SLC17A5: variants seen among roughly 807,000 people sequenced by gnomAD.
The protein encoded by SLC17A5 is solute carrier family 17 member 5, also known as sialin.
A neutral mutation model predicts 59.4 loss-of-function variants in SLC17A5; 47 were observed. The observed-to-expected ratio is 0.79, with a 90% CI of 0.63 to 1.01. The LOEUF (loss-of-function observed/expected upper bound fraction) is 1.01. Among genes scored for constraint, SLC17A5 ranks in the 50% least tolerant of loss-of-function variants. SLC17A5 has a pLI of 0.00. For synonymous variants in SLC17A5, 202 were observed against 210.7 expected (o/e 0.96, Z 0.36); for missense variants, 522 against 595.5 (o/e 0.88, Z 1.28).
At chr6:73,651,427 C>G (rs1168865376) in intron 1 of SLC17A5, among the ~76,000 whole-genome samples, 1 of 122,866 alleles carries the variant, frequency 8.1e-6, no homozygotes, top group Non-Finnish European at 1.6e-5. Flanking sequence ...CACCACTGCA[C>G]TCCAGCCTGG....
intron 6 of SLC17A5, among the ~76,000 whole-genome samples, chr6:73,630,111 G>A (rs1174046322): frequency 6.6e-6 from 1 of 151,744 alleles, no homozygotes; most frequent in East Asian, 2.0e-4. Flanking sequence ...TTCTGCCTCA[G>A]CCTCTCGAGT....
chr6:73,603,631 G>A (rs1179492369), intron 9 of SLC17A5, among the ~76,000 whole-genome samples: 2 of 151,326 alleles, frequency 1.3e-5, no homozygotes, highest in Non-Finnish European at 2.9e-5. Context: ...CGTTGGTTAG[G>A]CTGGTCTCAA....
intron 6 of SLC17A5, among the ~76,000 whole-genome samples, chr6:73,634,495 G>A (rs1768909170): frequency 6.6e-6 from 1 of 152,192 alleles, no homozygotes; most frequent in Non-Finnish European, 1.5e-5. Flanking sequence ...TGCCTCCTGG[G>A]TTCAAGGAAT....
chr6:73,614,362 C>G (rs1198627509), intron 8 of SLC17A5, among the ~76,000 whole-genome samples: 1 of 152,146 alleles, frequency 6.6e-6, no homozygotes, highest in Non-Finnish European at 1.5e-5. Flanking sequence ...CACTTGAGGC[C>G]AGGAATTCAA....
At chr6:73,605,404 T>G (rs886916369) in intron 9 of SLC17A5, among the ~76,000 whole-genome samples, 1 of 152,102 alleles carries the variant, frequency 6.6e-6, no homozygotes, top group African/African-American at 2.4e-5. Flanking sequence ...TAGTAGCGTA[T>G]TACACTGAAT....
intron 2 of SLC17A5, among the ~76,000 whole-genome samples, chr6:73,642,496 C>T (rs1001823149): frequency 6.6e-5 from 10 of 152,180 alleles, no homozygotes; most frequent in Admixed American, 1.3e-4. Context: ...TTAGTGCTGG[C>T]TATTAACATG....
At chr6:73,614,337 C>A (rs1322816579) in intron 8 of SLC17A5, among the ~76,000 whole-genome samples, 4 of 152,136 alleles carry the variant, frequency 2.6e-5, no homozygotes, top group Non-Finnish European at 5.9e-5. Flanking sequence ...TTTTGGGATG[C>A]TGAGGCAGGA....
chr6:73,611,706 G>A (rs1767646362), intron 8 of SLC17A5, among the ~76,000 whole-genome samples: 1 of 152,152 alleles, frequency 6.6e-6, no homozygotes. Context: ...TAATGAGTGG[G>A]CTGTCAGTTT....
At position 73,610,354 on chromosome 6, in the gene SLC17A5, A is replaced by G. The variant is rs200166924; in HGVS notation, c.1259+46T>C. On this transcript the variant is annotated intron_variant, in intron 9 of 10. Coordinates refer to ENST00000355773, the MANE Select transcript of SLC17A5 (RefSeq NM_012434.5). ...TGGCCTTTTATCAGGATTTTTAAAA[A>G]TATAATTTAAAGTCAATCACAGCAA... 2.0e-4 allele frequency: 329 copies of G among 1,606,248 alleles called. 2 individuals are homozygous for G. The East Asian group carries it at 7.2e-3, about 35-fold the overall frequency.
At position 73,594,097 on chromosome 6, in the gene SLC17A5, C is replaced by A. The variant is rs894646801; in HGVS notation, c.*980G>T. The A allele has an allele frequency of 2.6e-5, 4 of 151,738 alleles. No individual in the cohort carries two copies. Among genetic ancestry groups the A allele is most frequent in the African/African-American group, 9.7e-5 (4 of 41,286 alleles). 9.4% of individuals were successfully genotyped at this position (151,738 alleles called of 1,614,324 possible). On this transcript the variant is annotated 3_prime_UTR_variant, in exon 11 of 11. Coordinates refer to ENST00000355773, the MANE Select transcript of SLC17A5 (RefSeq NM_012434.5). ...GCAGTGGCGTGATCTTGGTTCACTG[C>A]AACTTCCACCTCCCAGGTTCAAGTG...
At chr6:73,636,148 G>C (rs1263314202) in intron 5 of SLC17A5, among the ~76,000 whole-genome samples, 1 of 152,034 alleles carries the variant, frequency 6.6e-6, no homozygotes, top group Non-Finnish European at 1.5e-5. Context: ...GTCTGTTTTT[G>C]TTAGTTGAGT....
At chr6:73,637,591 ATCC>A (rs1769077243) in intron 4 of SLC17A5, among the ~76,000 whole-genome samples, 1 of 152,164 alleles carries the variant, frequency 6.6e-6, no homozygotes, top group Non-Finnish European at 1.5e-5. Context: ...TTATGCCATC[ATCC>A]TCCTTACTCA....
chr6:73,643,507 G>C (rs761795694), intron 2 of SLC17A5, among the ~76,000 whole-genome samples: 1 of 148,064 alleles, frequency 6.8e-6, no homozygotes, highest in Non-Finnish European at 1.5e-5. Flanking sequence ...ACGAAGTCTT[G>C]CTCTTGTTGC....
rs1189039971 is a variant in SLC17A5, at chr6:73,593,953, G to A, written c.*1124C>T. 6.6e-6 allele frequency: 1 copy of A among 151,690 alleles called. No homozygotes were observed. Among genetic ancestry groups the A allele is most frequent in the Non-Finnish European group, 1.5e-5 (1 of 67,988 alleles). The allele number at this position is 151,690 out of a possible 1,614,324, so 9.4% of individuals were successfully genotyped here. The stretch of plus-strand genomic sequence containing the variant: ...CATAGAAATTTATACTGTGATCCAT[G>A]TGAGAGTAGATTTAAACCAGGATGA... On this transcript the variant is annotated 3_prime_UTR_variant, in exon 11 of 11. Coordinates refer to ENST00000355773, the MANE Select transcript of SLC17A5 (RefSeq NM_012434.5).
intron 4 of SLC17A5, among the ~76,000 whole-genome samples, chr6:73,638,194 G>A (rs1323589810): frequency 6.6e-6 from 1 of 152,062 alleles, no homozygotes; most frequent in Non-Finnish European, 1.5e-5. Flanking sequence ...ATAGATGATG[G>A]CAGATGGGGA....
intron 6 of SLC17A5, among the ~76,000 whole-genome samples, chr6:73,629,770 C>T (rs370689472): frequency 3.3e-5 from 5 of 151,572 alleles, no homozygotes; most frequent in Admixed American, 6.6e-5. Flanking sequence ...AGAACAAGAG[C>T]GAAACTCCGT....
At chr6:73,642,461 G>A (rs1195324818) in intron 2 of SLC17A5, among the ~76,000 whole-genome samples, 1 of 152,200 alleles carries the variant, frequency 6.6e-6, no homozygotes, top group Non-Finnish European at 1.5e-5. Flanking sequence ...CATAAAATAA[G>A]GCTTGATGTA....
At chr6:73,601,423 C>A (rs1297387290) in intron 9 of SLC17A5, among the ~76,000 whole-genome samples, 1 of 147,074 alleles carries the variant, frequency 6.8e-6, no homozygotes, top group Non-Finnish European at 1.5e-5. Flanking sequence ...GGGGGGTCAG[C>A]CCCGCGCCCG....
intron 10 of SLC17A5, among the ~76,000 whole-genome samples, chr6:73,597,205 C>T (rs1437750194): frequency 2.6e-5 from 4 of 151,178 alleles, no homozygotes; most frequent in Middle Eastern, 3.5e-3. Context: ...TGGTGGCTTA[C>T]GCCTGTAATC....
Sources: gnomAD v4.1 joint callset for allele counts (sites outside exome capture counted in the v4.1 genomes callset) on GRCh38, gnomAD v4.1.1 for gene constraint, MANE v1.5 for transcripts, NCBI Gene and HGNC (gene_info 2026-07-23, HGNC 2026-07-21) for gene names.